FRMD3: variants seen among roughly 807,000 people sequenced by gnomAD.
FRMD3 encodes the protein FERM domain-containing protein 3.
FRMD3 carries 33 observed loss-of-function variants against 70.2 expected under a neutral mutation model. The observed-to-expected ratio is 0.47, with a 90% CI of 0.36 to 0.63. The LOEUF (loss-of-function observed/expected upper bound fraction) is 0.63, where lower values mean the gene tolerates loss of function less well. FRMD3 is among the 20% of genes least tolerant of loss of function. FRMD3 has a pLI of 0.00. For synonymous variants in FRMD3, 279 were observed against 255.9 expected, an observed-to-expected ratio of 1.09 and a Z score of -0.86; for missense variants, 632 against 711.4, an observed-to-expected ratio of 0.89 and a Z score of 1.27.
At chr9:83,404,293 G>A (rs1031401707) in intron 1 of FRMD3, among the ~76,000 whole-genome samples, 3 of 152,180 alleles carry the variant, frequency 2.0e-5, no homozygotes, top group Non-Finnish European at 2.9e-5. Context: ...AACTAAAAAT[G>A]TAGAGGAAGA....
At chr9:83,494,666 C>G (rs1444445099) in intron 1 of FRMD3, among the ~76,000 whole-genome samples, 2 of 152,196 alleles carry the variant, frequency 1.3e-5, no homozygotes, top group Non-Finnish European at 2.9e-5. Flanking sequence ...ACTTTGGGAA[C>G]CCAAGGTGGG....
At chr9:83,383,943 C>A (rs1825435056) in intron 2 of FRMD3, among the ~76,000 whole-genome samples, 1 of 152,186 alleles carries the variant, frequency 6.6e-6, no homozygotes, top group Non-Finnish European at 1.5e-5. Flanking sequence ...TAGTTAAAGA[C>A]CAAGTACTGC....
At chr9:83,423,993 A>T (rs1826727097) in intron 1 of FRMD3, among the ~76,000 whole-genome samples, 1 of 152,234 alleles carries the variant, frequency 6.6e-6, no homozygotes, top group African/African-American at 2.4e-5. Context: ...AGAAAGTTCT[A>T]TCGGACCATG....
chr9:83,536,953 A>AAAAAAAAAAAAAAAAAAAAAG (rs1564121093), intron 1 of FRMD3, among the ~76,000 whole-genome samples: 1 of 146,968 alleles, frequency 6.8e-6, no homozygotes, highest in African/African-American at 2.5e-5. Context: ...AAAAAAAAAA[A>AAAAAAAAAAAAAAAAAAAAAG]GCTCAGTCCC....
intron 1 of FRMD3, among the ~76,000 whole-genome samples, chr9:83,501,040 G>A (rs548950816): frequency 6.6e-6 from 1 of 152,290 alleles, no homozygotes; most frequent in Non-Finnish European, 1.5e-5. Flanking sequence ...AAGAAATTTA[G>A]TTATTCTGAT....
chr9:83,285,740 G>C (rs1312848842), intron 13 of FRMD3, among the ~76,000 whole-genome samples: 3 of 152,180 alleles, frequency 2.0e-5, no homozygotes, highest in Non-Finnish European at 4.4e-5. Context: ...TGGGGAACCT[G>C]CTCCATTTTG....
the FRMD3 span, among the ~76,000 whole-genome samples, chr9:83,544,308 G>T: frequency 6.2e-3 from 950 of 152,250 alleles, 8 homozygotes; most frequent in Non-Finnish European, 9.8e-3. Flanking sequence ...CCCCTGAGGA[G>T]ACCTTTGTGC....
At chr9:83,577,140 C>T in the FRMD3 span, among the ~76,000 whole-genome samples, 1 of 151,748 alleles carries the variant, frequency 6.6e-6, no homozygotes, top group Non-Finnish European at 1.5e-5. Flanking sequence ...ATTAAGATGG[C>T]AATACCCTCA....
At chr9:83,343,622 A>G (rs983340264) in intron 4 of FRMD3, among the ~76,000 whole-genome samples, 3 of 152,174 alleles carry the variant, frequency 2.0e-5, no homozygotes, top group African/African-American at 7.2e-5. Context: ...AGCCATGGCC[A>G]CCGTCATCAC....
In FRMD3 at chr9:83,477,177, T is replaced by C. The variant is rs142266535; in HGVS notation, c.147+60908A>G. 2.7e-3 allele frequency among the ~76,000 whole-genome samples: 417 copies of C among 152,316 alleles called. 1 individual carries two copies. The highest frequency in any genetic ancestry group is 4.7e-3 in the Non-Finnish European group (321 of 68,026). On this transcript the variant is annotated intron_variant, in intron 1 of 13. Transcript: ENST00000304195. The stretch of plus-strand genomic sequence containing the variant: ...GCTGGACCTACTACATTACAACCCA[T>C]AGATGTTTCGTCTGCACATAAAAGT...
intron 3 of FRMD3, among the ~76,000 whole-genome samples, chr9:83,358,580 C>T (rs1045985348): frequency 3.9e-5 from 6 of 151,956 alleles, no homozygotes; most frequent in East Asian, 1.9e-4. Flanking sequence ...GATGTGTTTC[C>T]GTTTGTTTGT....
At chr9:83,273,179 G>A (rs1337744060) in intron 13 of FRMD3, among the ~76,000 whole-genome samples, 1 of 152,240 alleles carries the variant, frequency 6.6e-6, no homozygotes, top group Non-Finnish European at 1.5e-5. Flanking sequence ...TGGTGGTTTT[G>A]TCGAATAGAA....
rs138956720 is a variant in FRMD3, at chr9:83,513,557, C to A, written c.147+24528G>T. Among the ~76,000 whole-genome samples the A allele has an allele frequency of 4.8e-3, 737 of 152,314 alleles. 5 individuals carry two copies. The highest frequency in any genetic ancestry group is 0.017 in the African/African-American group (695 of 41,570). Reference sequence around the variant, plus strand: ...AAGAGTTAACTTCCTTTTGCTTAATCATTATATGTCCTTTATTTCTTCATA... The same window carrying A: ...AAGAGTTAACTTCCTTTTGCTTAATAATTATATGTCCTTTATTTCTTCATA... On this transcript the variant is annotated intron_variant, in intron 1 of 13. Transcript: ENST00000304195.
intron 1 of FRMD3, among the ~76,000 whole-genome samples, chr9:83,455,196 A>G (rs1827783198): frequency 6.6e-6 from 1 of 152,174 alleles, no homozygotes; most frequent in Non-Finnish European, 1.5e-5. Flanking sequence ...CCACTGAATT[A>G]ATGTGTATTA....
the FRMD3 span, among the ~76,000 whole-genome samples, chr9:83,572,508 C>T: frequency 3.9e-5 from 6 of 152,208 alleles, no homozygotes; most frequent in East Asian, 1.2e-3. Flanking sequence ...ATGTAGTTAT[C>T]CCCTGAGAGA....
At chr9:83,252,114 G>A (rs1364791439) in intron 13 of FRMD3, among the ~76,000 whole-genome samples, 2 of 152,086 alleles carry the variant, frequency 1.3e-5, no homozygotes, top group African/African-American at 2.4e-5. Context: ...AATGTTAAGG[G>A]CAACCAGAGA....
At chr9:83,423,550 T>C (rs540859791) in intron 1 of FRMD3, among the ~76,000 whole-genome samples, 1 of 149,990 alleles carries the variant, frequency 6.7e-6, no homozygotes, top group South Asian at 2.1e-4. Flanking sequence ...AATTTTAATT[T>C]AAACTTTAGT....
At chr9:83,542,618 T>C (rs1395245196), upstream of FRMD3, among the ~76,000 whole-genome samples, 2 of 152,160 alleles carry the variant, frequency 1.3e-5, no homozygotes, top group East Asian at 1.9e-4. Flanking sequence ...AAAGTTTATA[T>C]GGAAAGGCAA....
intron 6 of FRMD3, among the ~76,000 whole-genome samples, chr9:83,322,668 T>G: frequency 6.6e-6 from 1 of 152,184 alleles, no homozygotes; most frequent in East Asian, 1.9e-4. Flanking sequence ...CCCTAGGCCC[T>G]AATGGGTCAA....
Sources: allele counts gnomAD v4.1 joint callset (sites outside exome capture counted in the v4.1 genomes callset), GRCh38; gene constraint gnomAD v4.1.1; transcripts MANE v1.5; gene names NCBI Gene and HGNC (gene_info 2026-07-23, HGNC 2026-07-21).